Variants in PRUNE2 observed in about 807,000 individuals in gnomAD.
PRUNE2 encodes prune homolog 2 with BCH domain, also known as protein prune homolog 2.
PRUNE2 carries 164 observed loss-of-function variants against 252.0 expected under a neutral mutation model. The observed-to-expected ratio is 0.65, with a 90% CI of 0.57 to 0.74. PRUNE2 has a LOEUF of 0.74. Among genes scored for constraint, PRUNE2 ranks in the 30% least tolerant of loss-of-function variants. The pLI is 0.00. For synonymous variants in PRUNE2, 1,292 were observed against 1,350.2 expected, an observed-to-expected ratio of 0.96 and a Z score of 0.94; for missense variants, 3,495 against 3,711.0, an observed-to-expected ratio of 0.94 and a Z score of 1.51.
chr9:76,618,366 T>C (rs1218149321), intron 18 of PRUNE2, among the ~76,000 whole-genome samples: 1 of 152,196 alleles, frequency 6.6e-6, no homozygotes, highest in Non-Finnish European at 1.5e-5. Flanking sequence ...AAGGTGACAA[T>C]AGAGATGAGA....
At position 76,708,568 on chromosome 9, in the gene PRUNE2, C is replaced by G; in HGVS notation, c.3706G>C (p.Gly1236Arg). The change falls in exon 8 of 19, where the codon GGC becomes CGC. Residue 1236 changes from glycine (G) to arginine (R), a missense_variant. Transcript: ENST00000376718. Reference sequence around the variant, plus strand: ...TCTGAATCTGTGATATGTGAGGAGCCTGGTAACATGAATGATGACATGTCT... The same window carrying G: ...TCTGAATCTGTGATATGTGAGGAGCGTGGTAACATGAATGATGACATGTCT... ...DKDMSSFMLP[G>R]SSHITDSEQR... is the part of the protein sequence containing the mutation. 6.2e-7 allele frequency: 1 copy of G among 1,613,908 alleles called. No individual in the cohort carries two copies. The highest frequency in any genetic ancestry group is 1.1e-5 in the South Asian group (1 of 91,080).
rs766385285 is a variant in PRUNE2 at position 76,705,190 on chromosome 9, C to T, written c.7084G>A (p.Asp2362Asn). The T allele has an allele frequency of 1.7e-5, 27 of 1,613,868 alleles. No individual in the cohort carries two copies. The highest frequency in any genetic ancestry group is 2.7e-5 in the African/African-American group (2 of 74,922). ...FEYDVMGQNI[D>N]EDLLREPEHF... ...TCAGGCTCTCTCAGTAAATCTTCAT[C>T]GATATTCTGGCCCATTACATCATAT... The change falls in exon 8 of 19, where the codon GAT (aspartate) becomes AAT (asparagine). Residue 2362 changes from aspartate (D) to asparagine (N), a missense_variant. Transcript: ENST00000376718.
At chr9:76,691,190 A>G (rs1415200022) in intron 9 of PRUNE2, among the ~76,000 whole-genome samples, 2 of 152,164 alleles carry the variant, frequency 1.3e-5, no homozygotes, top group Non-Finnish European at 2.9e-5. Context: ...CTCACATAGC[A>G]GCTTACATAA....
intron 16 of PRUNE2, among the ~76,000 whole-genome samples, chr9:76,628,207 C>CT (rs139693220): frequency 0.028 from 4,282 of 152,264 alleles, 72 homozygotes; most frequent in African/African-American, 0.045. Flanking sequence ...CCAGATACAA[C>CT]TGTTCATTCT....
intron 9 of PRUNE2, among the ~76,000 whole-genome samples, chr9:76,660,310 T>C (rs10869792): frequency 0.11 from 17,340 of 152,066 alleles, 1,341 homozygotes; most frequent in East Asian, 0.26. Context: ...AAAAACTCTC[T>C]CCTCTGGCCT....
At chr9:76,617,253 C>T (rs1365463643) in intron 18 of PRUNE2, among the ~76,000 whole-genome samples, 3 of 152,152 alleles carry the variant, frequency 2.0e-5, no homozygotes, top group South Asian at 2.1e-4. Context: ...ATAACCTTCC[C>T]TTCTGTCTCT....
chr9:76,892,861 G>A (rs965146492), intron 1 of PRUNE2, among the ~76,000 whole-genome samples: 20 of 152,092 alleles, frequency 1.3e-4, no homozygotes, highest in African/African-American at 4.3e-4. Flanking sequence ...CAAAGAAACT[G>A]AGCCTGAAAT....
At chr9:76,892,751 T>A (rs1169832035) in intron 1 of PRUNE2, among the ~76,000 whole-genome samples, 1 of 152,154 alleles carries the variant, frequency 6.6e-6, no homozygotes, top group African/African-American at 2.4e-5. Flanking sequence ...TCAATGAAAG[T>A]GGGTGATTTT....
At chr9:76,891,443 T>C (rs1307044361) in intron 1 of PRUNE2, among the ~76,000 whole-genome samples, 2 of 152,208 alleles carry the variant, frequency 1.3e-5, no homozygotes, top group Non-Finnish European at 2.9e-5. Context: ...TTCTTTCCAT[T>C]ACAGGTGACA....
At chr9:76,800,988 T>C (rs978212824) in intron 6 of PRUNE2, among the ~76,000 whole-genome samples, 7 of 152,218 alleles carry the variant, frequency 4.6e-5, no homozygotes, top group Non-Finnish European at 7.3e-5. Flanking sequence ...TGGTCAAATT[T>C]AGAGAAGCCT....
At chr9:76,777,054 C>T (rs2053883697) in intron 6 of PRUNE2, among the ~76,000 whole-genome samples, 1 of 152,004 alleles carries the variant, frequency 6.6e-6, no homozygotes, top group Admixed American at 6.6e-5. Context: ...ATCAGGGTAG[C>T]TTCCTCTTGG....
intron 6 of PRUNE2, among the ~76,000 whole-genome samples, chr9:76,716,452 A>G (rs17787054): frequency 0.018 from 2,769 of 152,286 alleles, 45 homozygotes; most frequent in East Asian, 0.087. Context: ...TTTTCCTACA[A>G]ACCAGTCCTT....
chr9:76,775,360 G>A (rs113025360), intron 6 of PRUNE2, among the ~76,000 whole-genome samples: 8,653 of 152,038 alleles, frequency 0.057, 790 homozygotes, highest in African/African-American at 0.19. Context: ...GCAGTTGCAC[G>A]ATCACAGTTC....
chr9:76,651,171 A>G (rs1323228873), intron 11 of PRUNE2, among the ~76,000 whole-genome samples: 1 of 152,028 alleles, frequency 6.6e-6, no homozygotes, highest in Admixed American at 6.6e-5. Flanking sequence ...TACACTAAAG[A>G]ACTTACTCAT....
Position 76,854,158 on chromosome 9 carries a change from C to G in PRUNE2, c.87G>C (p.Ser29=), listed in dbSNP as rs140384584. 2.5e-6 allele frequency: 4 copies of G among 1,604,834 alleles called. No homozygotes were observed. The Admixed American group carries it at 6.7e-5, about 27-fold the overall frequency. The change falls in exon 2 of 19, where the codon TCG becomes TCC. Residue 29 remains serine (S), a synonymous_variant. Coordinates refer to ENST00000376718, the MANE Select transcript of PRUNE2 (RefSeq NM_015225.3). ...EKVHVVIGPK[S]CDLDSLISTF... ...TAGAAATGAGAGAATCCAAGTCACA[C>G]GATTTAGGCCCAATAACCACATGGA...
intron 6 of PRUNE2, among the ~76,000 whole-genome samples, chr9:76,793,201 A>G (rs1328080219): frequency 6.6e-6 from 1 of 152,252 alleles, no homozygotes; most frequent in Non-Finnish European, 1.5e-5. Flanking sequence ...ATAAAGGGAC[A>G]CCGTTTCAAA....
chr9:76,649,612 T>TGATAGATAGATAGATA (rs56889503), intron 11 of PRUNE2, among the ~76,000 whole-genome samples: 2,942 of 149,946 alleles, frequency 0.02, 38 homozygotes, highest in Non-Finnish European at 0.021. Flanking sequence ...GATAGATAGA[T>TGATAGATAGATAGATA]GATAGATAGA....
chr9:76,688,694 C>T (rs2044379046), intron 9 of PRUNE2, among the ~76,000 whole-genome samples: 1 of 152,178 alleles, frequency 6.6e-6, no homozygotes, highest in Admixed American at 6.5e-5. Context: ...TGCATCATTG[C>T]CAGTCTATTG....
At chr9:76,624,397 G>A (rs1383621621) in intron 17 of PRUNE2, 55 bp downstream of exon 17, 1 of 1,268,470 alleles carries the variant, frequency 7.9e-7, no homozygotes, top group East Asian at 2.8e-5. Context: ...TCCCAATTCA[G>A]TTCTGAAATG....
Sources: gnomAD v4.1 joint callset for allele counts (sites outside exome capture counted in the v4.1 genomes callset) on GRCh38, gnomAD v4.1.1 for gene constraint, MANE v1.5 for transcripts, NCBI Gene and HGNC (gene_info 2026-07-23, HGNC 2026-07-21) for gene names.